Variants in TMEM9B observed in about 807,000 individuals in gnomAD.
TMEM9B encodes transmembrane protein 9B.
In TMEM9B, 8 loss-of-function variants were observed where a neutral mutation model predicts 23.5. The ratio of observed to expected loss-of-function variants is 0.34; its 90% CI spans 0.20 to 0.61. TMEM9B has a LOEUF of 0.61. Ranked by LOEUF, TMEM9B falls within the 20% of genes least tolerant of loss-of-function variation. The probability of loss-of-function intolerance (pLI) is 0.78; values close to 1 mark genes in which losing one functional copy is unlikely to be tolerated. For synonymous variants in TMEM9B, 106 were observed against 96.3 expected, an observed-to-expected ratio of 1.10 and a Z score of -0.59; for missense variants, 197 against 252.3, an observed-to-expected ratio of 0.78 and a Z score of 1.49.
intron 4 of TMEM9B, among the ~76,000 whole-genome samples, chr11:8,952,279 C>CATACAT (rs371219457): frequency 0.34 from 43,118 of 125,998 alleles, 7,580 homozygotes; most frequent in Non-Finnish European, 0.46. Flanking sequence ...CACACACACA[C>CATACAT]GCTATATATA....
chr11:8,955,034 C>G (rs1853948470), intron 3 of TMEM9B, among the ~76,000 whole-genome samples: 1 of 151,792 alleles, frequency 6.6e-6, no homozygotes, highest in African/African-American at 2.4e-5. Context: ...GCCTGTAATC[C>G]CAGCTACTCA....
intron 3 of TMEM9B, 59 bp downstream of exon 3, chr11:8,956,131 G>A: frequency 6.6e-7 from 1 of 1,518,594 alleles, no homozygotes. Context: ...AAACCATCCA[G>A]AAGCAGAAAA....
At chr11:8,963,727 G>T (rs1854122448) in intron 1 of TMEM9B, among the ~76,000 whole-genome samples, 1 of 152,200 alleles carries the variant, frequency 6.6e-6, no homozygotes, top group Non-Finnish European at 1.5e-5. Context: ...GTGTTCAGGG[G>T]TGAGCTGAGC....
chr11:8,949,733 T>A (rs2134859783), intron 4 of TMEM9B, among the ~76,000 whole-genome samples: 1 of 152,342 alleles, frequency 6.6e-6, no homozygotes, highest in South Asian at 2.1e-4. Context: ...TTATAAAGAA[T>A]CTTTCCTCCT....
intron 2 of TMEM9B, 27 bp from the exon 3 acceptor site, chr11:8,956,325 T>C (rs1276825689): frequency 1.2e-6 from 2 of 1,600,116 alleles, no homozygotes; most frequent in Non-Finnish European, 8.5e-7. Context: ...AAAATGCTGC[T>C]TAAGCCCAGC....
chr11:8,956,259 C>G lies in TMEM9B; in HGVS notation c.237G>C (p.Gly79=). 1 of 1,613,658 alleles carries G rather than the reference C, an allele frequency of 6.2e-7. No individual in the cohort carries two copies. The highest frequency in any genetic ancestry group is 8.5e-7 in the Non-Finnish European group (1 of 1,179,968). The change falls in exon 3 of 5, where the codon GGG becomes GGC. Residue 79 remains glycine, a synonymous_variant. Coordinates refer to ENST00000534025, the MANE Select transcript of TMEM9B (RefSeq NM_020644.3). ...LHVVEPMPVR[G]PDVEAYCLRC... ...GTAGACAGTATGCTTCTACATCAGG[C>G]CCCCGCACAGGCATGGGCTCCACAA...
At chr11:8,953,372 T>G (rs1289781751) in intron 3 of TMEM9B, 35 bp from the exon 4 acceptor site, 2 of 1,606,546 alleles carry the variant, frequency 1.2e-6, no homozygotes, top group Non-Finnish European at 1.7e-6. Flanking sequence ...ACATCTTTGT[T>G]CAAGCCCATA....
chr11:8,951,992 C>A (rs981817575), intron 4 of TMEM9B, among the ~76,000 whole-genome samples: 3 of 151,824 alleles, frequency 2.0e-5, no homozygotes, highest in African/African-American at 7.3e-5. Context: ...GCCTGTAGAA[C>A]CAGCTACCTG....
Position 8,964,224 on chromosome 11 carries a change from C to A in TMEM9B, c.90G>T (p.Leu30=). 1 of 1,584,474 alleles carries A rather than the reference C, an allele frequency of 6.3e-7. No homozygotes were observed. Among genetic ancestry groups the A allele is most frequent in the East Asian group, 2.3e-5 (1 of 43,360 alleles). The change falls in exon 1 of 5, where the codon CTG becomes CTT. Residue 30 remains leucine, a synonymous_variant. Coordinates refer to ENST00000534025, the MANE Select transcript of TMEM9B (RefSeq NM_020644.3). ...LALSVLLLAQ[L]SDAAKNFEDV... ...CGGGACTCACCTTGGCGGCGTCTGA[C>A]AGCTGCGCCAGCAGCAGCACGGAAA...
rs1418992021 is a variant in TMEM9B at position 8,956,810 on chromosome 11, C to T, written c.198-512G>A. 2.0e-5 allele frequency among the ~76,000 whole-genome samples: 3 copies of T among 152,190 alleles called. No individual in the cohort carries two copies. The East Asian group carries it at 5.8e-4, about 29-fold the overall frequency. ...TCATAGCTCACTGCAGCCTCAGACTCCTGGGCTCAAGTGATCCTCCTGCCT... is the reference window on the plus strand; with the variant it reads ...TCATAGCTCACTGCAGCCTCAGACTTCTGGGCTCAAGTGATCCTCCTGCCT... On this transcript the variant is annotated intron_variant, in intron 2 of 4. Coordinates refer to ENST00000534025, the MANE Select transcript of TMEM9B (RefSeq NM_020644.3).
At chr11:8,964,181 GT>G (rs1257565975) in intron 1 of TMEM9B, 27 bp downstream of exon 1, 2 of 1,552,324 alleles carry the variant, frequency 1.3e-6, no homozygotes, top group Non-Finnish European at 1.7e-6. Flanking sequence ...AGGAGCTTCC[GT>G]CAGGAGCGAG....
chr11:8,961,518 C>T (rs998413263), intron 2 of TMEM9B, among the ~76,000 whole-genome samples: 3 of 152,224 alleles, frequency 2.0e-5, no homozygotes, highest in African/African-American at 7.2e-5. Context: ...GCTAGTCAGT[C>T]AGGATCCCCC....
Position 8,956,192 on chromosome 11 carries a change from T to G in TMEM9B, c.304A>C (p.Lys102Gln), listed in dbSNP as rs142872409. The change falls in exon 3 of 5, where the codon AAG (lysine) becomes CAG (glutamine). Residue 102 changes from lysine (K) to glutamine (Q), a missense_variant and splice_region_variant. Lys to Gln is a moderately conservative substitution (Grantham distance 53, BLOSUM62 1). Around this residue, in one of 2 missense-constraint regions of TMEM9B, gnomAD observed 141 missense variants for 214.1 expected, o/e 0.66. Transcript: ENST00000534025. ...AGATAGAGGGATATATATTTTACCT[T>G]GATTGTGACAGAGCTTCTTTCTTCA... ...KYEERSSVTI[K>Q]VTIIIYLSIL... 7 of 1,612,626 alleles carry G rather than the reference T, an allele frequency of 4.3e-6. No individual in the cohort carries two copies. In the African/African-American group the frequency reaches 9.3e-5, roughly 22 times the overall value.
Position 8,948,138 on chromosome 11 carries a change from A to G in TMEM9B, c.*182T>C, listed in dbSNP as rs563433031. ...TGACTTTGAGCTGTGTGCTTTTAAA[A>G]ATGTCTCTATTATTACGTTAACAAG... On this transcript the variant is annotated 3_prime_UTR_variant, in exon 5 of 5. Coordinates refer to ENST00000534025, the MANE Select transcript of TMEM9B (RefSeq NM_020644.3). The G allele has an allele frequency of 1.6e-6, 1 of 632,188 alleles. No individual in the cohort carries two copies. The highest frequency in any genetic ancestry group is 2.6e-6 in the Non-Finnish European group (1 of 388,904). The allele number at this position is 632,188 out of a possible 1,614,324, so 39.2% of individuals were successfully genotyped here. A position where few individuals can be genotyped will look rare whatever the true frequency, so the allele number is the denominator to read the frequency against.
At chr11:8,949,586 T>A (rs2742491) in intron 4 of TMEM9B, among the ~76,000 whole-genome samples, 90,272 of 152,026 alleles carry the variant, frequency 0.59, 27,172 homozygotes, top group East Asian at 0.77. Context: ...GGCAGGAGTC[T>A]GCATGTATAT....
intron 4 of TMEM9B, among the ~76,000 whole-genome samples, chr11:8,952,271 C>T (rs1372390264): frequency 5.0e-5 from 4 of 79,336 alleles, no homozygotes; most frequent in Non-Finnish European, 1.4e-4. Flanking sequence ...CACACACACA[C>T]ACACACACGC....
chr11:8,960,422 G>A (rs1313155200), intron 2 of TMEM9B, among the ~76,000 whole-genome samples: 2 of 152,024 alleles, frequency 1.3e-5, no homozygotes, highest in African/African-American at 4.8e-5. Context: ...GATTACAGGT[G>A]TGAGCCACCA....
intron 4 of TMEM9B, among the ~76,000 whole-genome samples, chr11:8,949,277 G>A (rs573791646): frequency 6.2e-4 from 95 of 152,336 alleles, no homozygotes; most frequent in Non-Finnish European, 1.1e-3. Context: ...CCTGGTCAAA[G>A]TAAACGAGTA....
chr11:8,950,991 C>T (rs1230819528), intron 4 of TMEM9B, among the ~76,000 whole-genome samples: 1 of 152,176 alleles, frequency 6.6e-6, no homozygotes, highest in Non-Finnish European at 1.5e-5. Context: ...CAGAAAACCT[C>T]TCTGCCTAGA....
Sources: allele counts gnomAD v4.1 joint callset (sites outside exome capture counted in the v4.1 genomes callset), GRCh38; gene constraint gnomAD v4.1.1; regional missense constraint gnomAD v4.1.1; transcripts MANE v1.5; gene names NCBI Gene and HGNC (gene_info 2026-07-23, HGNC 2026-07-21).